Variants in COL19A1 observed in about 807,000 individuals in gnomAD.
The protein encoded by COL19A1 is collagen type XIX alpha 1 chain.
In COL19A1, 159 loss-of-function variants were observed where a neutral mutation model predicts 190.2. That is an observed-to-expected ratio of 0.84 (90% confidence interval 0.73 to 0.95). The LOEUF is 0.95. Among genes scored for constraint, COL19A1 ranks in the 40% least tolerant of loss-of-function variants. COL19A1 has a pLI of 0.00. For missense variants in COL19A1, 1,418 were observed against 1,431.9 expected (o/e 0.99, Z 0.16); for synonymous variants, 509 against 458.9 (o/e 1.11, Z -1.39).
rs1491146488 is a variant in COL19A1, at chr6:70,024,615, G to GT, written c.1080+935_1080+936insT. On this transcript the variant is annotated intron_variant, in intron 12 of 50. Coordinates refer to ENST00000620364, the MANE Select transcript of COL19A1 (RefSeq NM_001858.6). ...TGTGTGTGTGTGTGTGTGTGTGTGT[G>GT]GGTGTGTGGGTGTGTGTGTGTGGAG... Among the ~76,000 whole-genome samples the GT allele has an allele frequency of 2.1e-3, 257 of 124,612 alleles. 3 individuals carry two copies. The highest frequency in any genetic ancestry group is 6.7e-3 in the South Asian group (25 of 3,758). 81.8% of individuals were successfully genotyped at this position (124,612 alleles called of 152,430 possible).
chr6:69,922,686 G>A (rs764307543), intron 4 of COL19A1, among the ~76,000 whole-genome samples: 1 of 151,886 alleles, frequency 6.6e-6, no homozygotes, highest in Non-Finnish European at 1.5e-5. Flanking sequence ...TCACTATGTT[G>A]GCCAGGCAGG....
intron 11 of COL19A1, among the ~76,000 whole-genome samples, chr6:69,969,116 C>T (rs182779955): frequency 6.6e-4 from 101 of 151,926 alleles, no homozygotes; most frequent in African/African-American, 2.2e-3. Flanking sequence ...AAATGAGTGC[C>T]GGTGAATAAA....
At chr6:69,867,326 C>A (rs1000735534) in intron 1 of COL19A1, 7 of 153,058 alleles carry the variant, frequency 4.6e-5, no homozygotes, top group African/African-American at 1.4e-4. Context: ...CCTTAATTAC[C>A]CTGCAGCATG....
intron 42 of COL19A1, among the ~76,000 whole-genome samples, chr6:70,179,369 C>T (rs1766022927): frequency 6.6e-6 from 1 of 152,174 alleles, no homozygotes; most frequent in South Asian, 2.1e-4. Flanking sequence ...GGAGGTGGTT[C>T]CTTCTCAGAG....
chr6:70,152,808 G>A (rs548560078), intron 31 of COL19A1, among the ~76,000 whole-genome samples: 7 of 152,190 alleles, frequency 4.6e-5, no homozygotes, highest in Admixed American at 3.9e-4. Flanking sequence ...CAGGATTGCC[G>A]GAGTTATATC....
At chr6:69,996,466 T>C (rs1045076546) in intron 11 of COL19A1, among the ~76,000 whole-genome samples, 1 of 152,186 alleles carries the variant, frequency 6.6e-6, no homozygotes, top group Admixed American at 6.6e-5. Context: ...AATTAGTATC[T>C]AGTGTTAAGA....
chr6:69,949,923 G>T (rs1448884524), intron 9 of COL19A1, among the ~76,000 whole-genome samples: 1 of 151,774 alleles, frequency 6.6e-6, no homozygotes, highest in Non-Finnish European at 1.5e-5. Context: ...TGTATCTCAG[G>T]TCTAATATTC....
chr6:70,126,152 CA>C (rs5877240), intron 17 of COL19A1, among the ~76,000 whole-genome samples: 171 of 140,894 alleles, frequency 1.2e-3, no homozygotes, highest in Middle Eastern at 3.5e-3. Flanking sequence ...ATTATTGATC[CA>C]AAAAAAAAAA....
chr6:70,206,250 A>G (rs1239274869), intron 49 of COL19A1, among the ~76,000 whole-genome samples: 1 of 152,200 alleles, frequency 6.6e-6, no homozygotes, highest in East Asian at 1.9e-4. Context: ...CCTACTGAAG[A>G]GGGCTCACAC....
At chr6:69,875,178 A>G (rs1365638230) in intron 1 of COL19A1, among the ~76,000 whole-genome samples, 1 of 152,242 alleles carries the variant, frequency 6.6e-6, no homozygotes, top group Non-Finnish European at 1.5e-5. Flanking sequence ...GGATGAACAC[A>G]GAATGTTCCA....
chr6:70,155,125 A>G (rs1362061448), intron 31 of COL19A1, among the ~76,000 whole-genome samples: 7 of 152,180 alleles, frequency 4.6e-5, no homozygotes, highest in African/African-American at 1.7e-4. Flanking sequence ...CAAGGAGCCC[A>G]TGTTTGAAAA....
At chr6:70,168,598 AT>A (rs1264737030) in intron 39 of COL19A1, 56 bp from the exon 40 acceptor site, 5 of 1,579,388 alleles carry the variant, frequency 3.2e-6, no homozygotes, top group Non-Finnish European at 4.3e-6. Context: ...AGTGTTTCTT[AT>A]TCTGTAACTG....
chr6:70,106,983 C>T (rs938051444), intron 16 of COL19A1, among the ~76,000 whole-genome samples: 5 of 152,188 alleles, frequency 3.3e-5, no homozygotes, highest in African/African-American at 1.2e-4. Flanking sequence ...ATTACCATCA[C>T]GAGCTCTGCA....
rs543150192 is a variant in COL19A1, at chr6:69,951,850, G to A, written c.937-8146G>A. 6.6e-5 allele frequency among the ~76,000 whole-genome samples: 10 copies of A among 151,920 alleles called. No homozygotes were observed. The South Asian group carries it at 1.0e-3, about 16-fold the overall frequency. On this transcript the variant is annotated intron_variant, in intron 9 of 50. Transcript: ENST00000620364. ...TTAAAAACTTCCCCTAACTTGGTAC[G>A]GAGAAAATAGTAGAGTCAGGATTTG...
At chr6:70,203,439 G>A (rs1381023416) in intron 49 of COL19A1, among the ~76,000 whole-genome samples, 3 of 152,132 alleles carry the variant, frequency 2.0e-5, no homozygotes, top group African/African-American at 7.2e-5. Flanking sequence ...AGTAGCATTA[G>A]GGGCATTTGG....
chr6:70,146,289 G>T (rs1786641607), intron 25 of COL19A1, among the ~76,000 whole-genome samples: 1 of 152,064 alleles, frequency 6.6e-6, no homozygotes, highest in South Asian at 2.1e-4. Context: ...TGCAGAAAAT[G>T]TCTTTGTGAC....
chr6:70,150,886 A>G (rs2150246253), intron 30 of COL19A1, among the ~76,000 whole-genome samples: 1 of 152,280 alleles, frequency 6.6e-6, no homozygotes, highest in Non-Finnish European at 1.5e-5. Flanking sequence ...GTGTGGCCAA[A>G]AGGTAGCCCA....
intron 15 of COL19A1, among the ~76,000 whole-genome samples, chr6:70,087,808 T>C (rs1173528367): frequency 6.6e-6 from 1 of 152,152 alleles, no homozygotes; most frequent in East Asian, 1.9e-4. Flanking sequence ...TGCCACAATT[T>C]GAAAAACATT....
chr6:69,909,381 T>C (rs1049857934), intron 4 of COL19A1, among the ~76,000 whole-genome samples: 15 of 152,102 alleles, frequency 9.9e-5, no homozygotes, highest in Non-Finnish European at 8.8e-5. Context: ...GACTTAATTA[T>C]AATTATAATT....
Sources: gnomAD v4.1 joint callset for allele counts (sites outside exome capture counted in the v4.1 genomes callset) on GRCh38, gnomAD v4.1.1 for gene constraint, MANE v1.5 for transcripts, NCBI Gene and HGNC (gene_info 2026-07-23, HGNC 2026-07-21) for gene names.